The following ERC2 variants were observed in gnomAD, a reference collection of about 807,000 sequenced individuals.
ERC2 encodes ERC protein 2.
In ERC2, 42 loss-of-function variants were observed where a neutral mutation model predicts 114.8. The observed-to-expected ratio is 0.37, with a 90% CI of 0.29 to 0.47. ERC2 has a LOEUF of 0.47. ERC2 is among the 20% of genes least tolerant of loss of function. The pLI is 0.99. For synonymous variants in ERC2, 454 were observed against 425.5 expected (o/e 1.07, Z -0.82); for missense variants, 939 against 1,150.7 (o/e 0.82, Z 2.66).
intron 12 of ERC2, 116 bp downstream of exon 12, chr3:55,985,861 G>C: frequency 1.1e-6 from 1 of 879,024 alleles, no homozygotes; most frequent in Non-Finnish European, 1.8e-6. Flanking sequence ...AATGAGCGGG[G>C]GGAAATGCAG....
At chr3:56,171,819 T>C (rs2082684048) in intron 4 of ERC2, among the ~76,000 whole-genome samples, 1 of 150,558 alleles carries the variant, frequency 6.6e-6, no homozygotes, top group South Asian at 2.1e-4. Flanking sequence ...CTCCTGTTTT[T>C]TCCAAAGGCC....
intron 13 of ERC2, among the ~76,000 whole-genome samples, chr3:55,904,049 T>A (rs1239338767): frequency 6.6e-6 from 1 of 152,214 alleles, no homozygotes; most frequent in African/African-American, 2.4e-5. Context: ...TAATCCTGTT[T>A]CGTGTTTAAA....
intron 6 of ERC2, among the ~76,000 whole-genome samples, chr3:56,103,812 C>G (rs1286176453): frequency 1.3e-5 from 2 of 151,408 alleles, no homozygotes; most frequent in East Asian, 3.9e-4. Flanking sequence ...TTTAAAGGGG[C>G]AGGAGGAGAG....
chr3:55,812,784 C>T (rs1231920403), intron 14 of ERC2, among the ~76,000 whole-genome samples: 3 of 152,238 alleles, frequency 2.0e-5, no homozygotes, highest in Admixed American at 6.5e-5. Context: ...CCCACACAGA[C>T]ATAATGTTAT....
chr3:56,042,612 A>G (rs2075252694), intron 7 of ERC2, among the ~76,000 whole-genome samples: 1 of 152,182 alleles, frequency 6.6e-6, no homozygotes, highest in African/African-American at 2.4e-5. Flanking sequence ...GGGTGAAAGC[A>G]GAAAATAAGA....
At chr3:56,336,234 T>A (rs1217991972) in intron 2 of ERC2, among the ~76,000 whole-genome samples, 2 of 152,192 alleles carry the variant, frequency 1.3e-5, no homozygotes, top group African/African-American at 4.8e-5. Flanking sequence ...TCTCTGTGCT[T>A]CATATATAAG....
intron 14 of ERC2, among the ~76,000 whole-genome samples, chr3:55,823,606 A>G (rs2060213179): frequency 2.6e-5 from 4 of 152,228 alleles, no homozygotes; most frequent in Admixed American, 2.6e-4. Flanking sequence ...GCCTACTGGA[A>G]TTGAGAAGCT....
chr3:56,349,649 G>A (rs1448800174), intron 2 of ERC2, among the ~76,000 whole-genome samples: 1 of 152,208 alleles, frequency 6.6e-6, no homozygotes, highest in Non-Finnish European at 1.5e-5. Context: ...GCTCACGCCT[G>A]TAATCCCAGC....
chr3:55,960,672 C>T lies in ERC2; in HGVS notation c.2268-10112G>A, dbSNP rs577254408. ...ATTCACTGGAGTGAAGTAATGAGTC[C>T]TACCCATGTCCTCTCTGGCCCAAGC... On this transcript the variant is annotated intron_variant, in intron 12 of 17. Transcript: ENST00000288221. Among the ~76,000 whole-genome samples the T allele has an allele frequency of 2.6e-5, 4 of 152,312 alleles. No individual in the cohort carries two copies. The East Asian group carries it at 7.7e-4, about 29-fold the overall frequency.
At chr3:55,908,077 G>A (rs1390524013) in intron 13 of ERC2, among the ~76,000 whole-genome samples, 1 of 152,132 alleles carries the variant, frequency 6.6e-6, no homozygotes, top group Admixed American at 6.5e-5. Context: ...GTAGGGCGAA[G>A]CAGTTATTGT....
rs369794497 is a variant in ERC2 at position 55,635,385 on chromosome 3, A to ATTT, written c.*39+48406_*39+48408dup. ...TTATGAGGGAAAACATTTTCAGATGATTTTTTTTCTTTCTTTTTTTTTTGT... is the reference window on the plus strand; with the variant it reads ...TTATGAGGGAAAACATTTTCAGATGATTTTTTTTTTTCTTTCTTTTTTTTTTGT... On this transcript the variant is annotated intron_variant, in intron 17 of 17. Coordinates refer to ENST00000288221, the MANE Select transcript of ERC2 (RefSeq NM_015576.3). 5.3e-5 allele frequency among the ~76,000 whole-genome samples: 8 copies of ATTT among 150,364 alleles called. No homozygotes were observed. In the East Asian group the frequency reaches 1.4e-3, roughly 26 times the overall value.
intron 17 of ERC2, among the ~76,000 whole-genome samples, chr3:55,563,644 G>A (rs1030551516): frequency 3.9e-5 from 6 of 152,232 alleles, no homozygotes; most frequent in Non-Finnish European, 8.8e-5. Context: ...GCCACGGAAC[G>A]TGGAGAAATT....
chr3:55,643,027 T>C (rs562618753), intron 17 of ERC2, among the ~76,000 whole-genome samples: 1 of 152,314 alleles, frequency 6.6e-6, no homozygotes, highest in East Asian at 1.9e-4. Flanking sequence ...AAATTTACTC[T>C]TGAGTATTTT....
chr3:56,375,492 T>C (rs2059505290), intron 2 of ERC2, among the ~76,000 whole-genome samples: 2 of 152,202 alleles, frequency 1.3e-5, no homozygotes, highest in South Asian at 2.1e-4. Context: ...GAATATCACT[T>C]TGTGCCACAA....
intron 7 of ERC2, among the ~76,000 whole-genome samples, chr3:56,068,424 T>C (rs1303980336): frequency 6.6e-6 from 1 of 152,148 alleles, no homozygotes; most frequent in African/African-American, 2.4e-5. Flanking sequence ...TTGATTCTTC[T>C]CTTTTTCCTT....
At chr3:56,176,292 A>C (rs2082975820) in intron 3 of ERC2, among the ~76,000 whole-genome samples, 2 of 152,204 alleles carry the variant, frequency 1.3e-5, no homozygotes, top group Non-Finnish European at 2.9e-5. Context: ...AAGCTTGTAT[A>C]AAACAAGGAA....
At chr3:56,311,267 A>C (rs796929856) in intron 2 of ERC2, among the ~76,000 whole-genome samples, 6,744 of 92,196 alleles carry the variant, frequency 0.073, 257 homozygotes, top group East Asian at 0.12. Flanking sequence ...ATATATATAT[A>C]TATATATATA....
At chr3:55,980,191 T>C (rs1305665685) in intron 12 of ERC2, among the ~76,000 whole-genome samples, 1 of 152,138 alleles carries the variant, frequency 6.6e-6, no homozygotes, top group East Asian at 1.9e-4. Context: ...GGTTCTGTTT[T>C]ATTTTTCACA....
At chr3:56,254,679 G>A (rs1034149419) in intron 3 of ERC2, among the ~76,000 whole-genome samples, 5 of 152,194 alleles carry the variant, frequency 3.3e-5, no homozygotes, top group African/African-American at 9.7e-5. Context: ...TGTTGAATCA[G>A]TAACTCCAGC....
Sources: allele counts gnomAD v4.1 joint callset (sites outside exome capture counted in the v4.1 genomes callset), GRCh38; gene constraint gnomAD v4.1.1; transcripts MANE v1.5; gene names NCBI Gene and HGNC (gene_info 2026-07-23, HGNC 2026-07-21).